Variants in NCAPG observed in about 807,000 individuals in gnomAD.
NCAPG encodes non-SMC condensin I complex subunit G, also known as condensin complex subunit 3.
A neutral mutation model predicts 113.1 loss-of-function variants in NCAPG; 69 were observed. The observed-to-expected ratio is 0.61, with a 90% confidence interval of 0.50 to 0.75. NCAPG has a LOEUF of 0.75. Ranked by LOEUF, NCAPG falls within the 30% of genes least tolerant of loss-of-function variation. NCAPG has a pLI of 0.00. For missense variants in NCAPG, 1,058 were observed against 1,177.0 expected, an observed-to-expected ratio of 0.90 and a Z score of 1.48; for synonymous variants, 370 against 415.8, an observed-to-expected ratio of 0.89 and a Z score of 1.34.
intron 13 of NCAPG, among the ~76,000 whole-genome samples, chr4:17,832,310 C>T (rs150793562): frequency 2.5e-4 from 38 of 152,028 alleles, no homozygotes; most frequent in Middle Eastern, 3.4e-3. Context: ...ATGGTTTGGA[C>T]GAGGGTTGTG....
intron 3 of NCAPG, 72 bp from the exon 4 acceptor site, chr4:17,814,781 A>C (rs1008339908): frequency 2.0e-6 from 3 of 1,466,620 alleles, no homozygotes; most frequent in Non-Finnish European, 2.8e-6. Flanking sequence ...AAATATCAAA[A>C]TGTGTGTTAT....
intron 1 of NCAPG, 131 bp from the exon 2 acceptor site, chr4:17,812,090 A>G (rs528421229): frequency 4.2e-6 from 3 of 717,670 alleles, no homozygotes; most frequent in East Asian, 6.0e-5. Context: ...TTGGATAATT[A>G]AGAGTTTACT....
intron 5 of NCAPG, 62 bp downstream of exon 5, chr4:17,815,420 G>C: frequency 7.9e-7 from 1 of 1,264,256 alleles, no homozygotes; most frequent in Non-Finnish European, 1.1e-6. Flanking sequence ...ACTTAACAAG[G>C]TTTAAGAAAC....
In NCAPG at chr4:17,815,242, G is replaced by A. The variant is rs373948375; in HGVS notation, c.691-32G>A. 4.4e-5 allele frequency: 68 copies of A among 1,541,260 alleles called. 1 individual carries two copies. Among genetic ancestry groups the A allele is most frequent in the Middle Eastern group, 3.6e-4 (2 of 5,592 alleles). On this transcript the variant is annotated intron_variant, in intron 4 of 20. Coordinates refer to ENST00000251496, the MANE Select transcript of NCAPG (RefSeq NM_022346.5). ...TATGAAATCTATAAATTGTGTTGAG[G>A]TTAATGACCATCTTTATAAATTATT...
chr4:17,828,167 A>G (rs1721727602), intron 11 of NCAPG, 111 bp from the exon 12 acceptor site: 1 of 562,062 alleles, frequency 1.8e-6, no homozygotes, highest in East Asian at 3.3e-5. Context: ...AAGATCACCT[A>G]CAGAGTCTAT....
At chr4:17,815,169 T>TA (rs1163719259) in intron 4 of NCAPG, 105 bp from the exon 5 acceptor site, 60 of 1,252,872 alleles carry the variant, frequency 4.8e-5, no homozygotes, top group Non-Finnish European at 6.7e-5. Flanking sequence ...TACCAGGTAT[T>TA]AATTTCTTTT....
At chr4:17,827,805 C>CTTTT (rs757341298) in intron 11 of NCAPG, among the ~76,000 whole-genome samples, 7 of 126,234 alleles carry the variant, frequency 5.5e-5, no homozygotes, top group African/African-American at 1.8e-4. Flanking sequence ...GAAGATTAGA[C>CTTTT]TTTTTTTTTT....
intron 20 of NCAPG, chr4:17,842,749 G>A (rs1722539334): frequency 5.6e-6 from 1 of 179,318 alleles, no homozygotes; most frequent in African/African-American, 2.4e-5. Context: ...GGTATATTGT[G>A]TGGTAGAGTG....
intron 20 of NCAPG, 160 bp from the exon 21 acceptor site, chr4:17,843,142 T>C (rs1722584086): frequency 1.4e-6 from 1 of 697,518 alleles, no homozygotes. Context: ...CAAGTCAGTG[T>C]TTTTTTGACA....
intron 8 of NCAPG, among the ~76,000 whole-genome samples, chr4:17,823,445 G>A (rs1159888648): frequency 2.6e-5 from 4 of 151,794 alleles, no homozygotes; most frequent in Non-Finnish European, 5.9e-5. Flanking sequence ...AAAATCATAG[G>A]GTGTTTTATA....
At chr4:17,828,147 T>G (rs2109055799) in intron 11 of NCAPG, 131 bp from the exon 12 acceptor site, 1 of 475,872 alleles carries the variant, frequency 2.1e-6, no homozygotes. Flanking sequence ...ACTATCTGTG[T>G]GATAGCTGTA....
chr4:17,825,806 G>A (rs1045801223), intron 11 of NCAPG, among the ~76,000 whole-genome samples: 1 of 152,002 alleles, frequency 6.6e-6, no homozygotes, highest in Non-Finnish European at 1.5e-5. Context: ...TCTAGAATCC[G>A]AAGTCTTTCT....
At chr4:17,832,463 GT>G (rs1721903594) in intron 13 of NCAPG, among the ~76,000 whole-genome samples, 1 of 152,130 alleles carries the variant, frequency 6.6e-6, no homozygotes, top group African/African-American at 2.4e-5. Context: ...ATGAATTTGC[GT>G]TTTCCTATGA....
chr4:17,840,026 G>A (rs1201117968), intron 17 of NCAPG, 45 bp from the exon 18 acceptor site: 1 of 1,562,152 alleles, frequency 6.4e-7, no homozygotes, highest in Non-Finnish European at 8.6e-7. Flanking sequence ...TCAAAGATTA[G>A]GGAATGCGGT....
intron 3 of NCAPG, chr4:17,813,415 A>T (rs556573223): frequency 2.0e-4 from 47 of 235,250 alleles, no homozygotes; most frequent in South Asian, 1.5e-3. Flanking sequence ...ATTAAAAAAA[A>T]TTTTTTTGCA....
intron 19 of NCAPG, among the ~76,000 whole-genome samples, chr4:17,841,033 A>T (rs923890534): frequency 9.2e-5 from 14 of 151,962 alleles, no homozygotes; most frequent in South Asian, 2.1e-4. Context: ...AAGCATTTTT[A>T]AAAAATCCCT....
chr4:17,833,777 G>A (rs1185529979), intron 13 of NCAPG, among the ~76,000 whole-genome samples: 1 of 151,920 alleles, frequency 6.6e-6, no homozygotes, highest in Non-Finnish European at 1.5e-5. Flanking sequence ...GTTGAAAACT[G>A]AGTTTACTGT....
At chr4:17,822,190 C>CTTTTT (rs1159844034) in intron 7 of NCAPG, among the ~76,000 whole-genome samples, 5 of 111,750 alleles carry the variant, frequency 4.5e-5, no homozygotes, top group Admixed American at 9.1e-5. Context: ...AAGATTAAAT[C>CTTTTT]TTTTTTTTTT....
At chr4:17,812,021 G>A (rs1560220150) in intron 1 of NCAPG, among the ~76,000 whole-genome samples, 200 bp from the exon 2 acceptor site, 1 of 152,206 alleles carries the variant, frequency 6.6e-6, no homozygotes, top group Non-Finnish European at 1.5e-5. Flanking sequence ...AGTCAAGCTT[G>A]TGTACTCCCA....
Sources: gnomAD v4.1 joint callset for allele counts (sites outside exome capture counted in the v4.1 genomes callset) on GRCh38, gnomAD v4.1.1 for gene constraint, MANE v1.5 for transcripts, NCBI Gene and HGNC (gene_info 2026-07-23, HGNC 2026-07-21) for gene names.